The following SCAF4 variants were observed in gnomAD, a reference collection of about 807,000 sequenced individuals.
SCAF4 encodes the protein SR-related and CTD-associated factor 4.
A neutral mutation model predicts 129.8 loss-of-function variants in SCAF4; 25 were observed. The observed-to-expected ratio is 0.19, with a 90% confidence interval of 0.14 to 0.27. The LOEUF (loss-of-function observed/expected upper bound fraction) is 0.27, where lower values mean the gene tolerates loss of function less well. SCAF4 is among the 10% of genes least tolerant of loss of function. The probability of loss-of-function intolerance (pLI) is 1.00; values close to 1 mark genes in which losing one functional copy is unlikely to be tolerated. For missense variants in SCAF4, 1,246 were observed against 1,457.1 expected (o/e 0.86, Z 2.36); for synonymous variants, 551 against 497.7 (o/e 1.11, Z -1.43).
intron 1 of SCAF4, chr21:31,706,827 T>C (rs1601241102): frequency 4.2e-6 from 1 of 240,330 alleles, no homozygotes. Context: ...CCAATGAGAG[T>C]CCAGCCTCTG....
chr21:31,710,245 G>T (rs1020061662), intron 1 of SCAF4, among the ~76,000 whole-genome samples: 3 of 152,026 alleles, frequency 2.0e-5, no homozygotes, highest in Non-Finnish European at 4.4e-5. Context: ...GGAGTAAGAA[G>T]GCCACCAAGA....
intron 2 of SCAF4, 84 bp downstream of exon 2, chr21:31,706,190 A>G (rs2050658547): frequency 1.1e-6 from 1 of 915,772 alleles, no homozygotes; most frequent in Non-Finnish European, 1.7e-6. Flanking sequence ...GAACTAATTC[A>G]CAAGTTGACT....
intron 1 of SCAF4, among the ~76,000 whole-genome samples, chr21:31,725,125 G>A (rs1355598679): frequency 6.6e-6 from 1 of 152,114 alleles, no homozygotes; most frequent in Non-Finnish European, 1.5e-5. Flanking sequence ...CTTTTGCAAG[G>A]GAAATCTCCA....
rs977719874 is a variant in SCAF4 at position 31,731,790 on chromosome 21, G to C, written c.-98C>G. 59 of 1,371,188 alleles carry C rather than the reference G, an allele frequency of 4.3e-5. 1 individual carries two copies. The Middle Eastern group carries it at 9.7e-4, about 23-fold the overall frequency. The allele number at this position is 1,371,188 out of a possible 1,614,324, so 84.9% of individuals were successfully genotyped here. ...GGAAACCAGCCGGGCCTGGTGGCCG[G>C]GGGGAGGCGACGAGCGGCGGAGTCC... is the stretch of plus-strand genomic sequence containing the variant. On this transcript the variant is annotated 5_prime_UTR_variant, in exon 1 of 20. Coordinates refer to ENST00000286835, the MANE Select transcript of SCAF4 (RefSeq NM_020706.2).
intron 1 of SCAF4, among the ~76,000 whole-genome samples, chr21:31,712,436 T>A (rs758195966): frequency 1.3e-4 from 19 of 151,988 alleles, no homozygotes; most frequent in Admixed American, 6.6e-4. Context: ...CAGGATGGTC[T>A]TTAAATCCTG....
At chr21:31,682,064 T>C (rs1205051105) in intron 19 of SCAF4, among the ~76,000 whole-genome samples, 4 of 152,184 alleles carry the variant, frequency 2.6e-5, no homozygotes, top group Admixed American at 2.0e-4. Context: ...GGAACTTTAA[T>C]ATGTGTAAAT....
intron 14 of SCAF4, among the ~76,000 whole-genome samples, 193 bp downstream of exon 14, chr21:31,691,624 T>C (rs2050261617): frequency 6.6e-6 from 1 of 151,038 alleles, no homozygotes; most frequent in African/African-American, 2.4e-5. Flanking sequence ...GCACGTAACA[T>C]TTACAATTTT....
Position 31,671,806 on chromosome 21 carries a change from G to A in SCAF4, c.3037C>T (p.Arg1013Trp), listed in dbSNP as rs373258764. ...RSFGNRVEND[R>W]ERYGNRNDDR... The stretch of plus-strand genomic sequence containing the variant: ...TCATTACGGTTCCCATACCGTTCCC[G>A]GTCATTTTCCACCCTATTTCCAAAA... The change falls in exon 20 of 20, where the codon CGG (arginine) becomes TGG (tryptophan). Residue 1013 changes from arginine (R) to tryptophan (W), a missense_variant. By Grantham distance (101) the Arg-to-Trp change is moderately radical. Transcript: ENST00000286835. 9 of 1,613,772 alleles carry A rather than the reference G, an allele frequency of 5.6e-6. No homozygotes were observed. Among genetic ancestry groups the A allele is most frequent in the African/African-American group, 1.3e-5 (1 of 74,886 alleles).
At chr21:31,710,242 G>C (rs2050767924) in intron 1 of SCAF4, among the ~76,000 whole-genome samples, 1 of 152,092 alleles carries the variant, frequency 6.6e-6, no homozygotes, top group African/African-American at 2.4e-5. Context: ...CCTGGAGTAA[G>C]AAGGCCACCA....
chr21:31,720,468 G>C lies in SCAF4; in HGVS notation c.30+11195C>G, dbSNP rs114075865. Among the ~76,000 whole-genome samples the C allele has an allele frequency of 4.6e-5, 7 of 152,216 alleles. No individual in the cohort carries two copies. In the East Asian group the frequency reaches 1.4e-3, roughly 29 times the overall value. On this transcript the variant is annotated intron_variant, in intron 1 of 19. Transcript: ENST00000286835. ...TATCACTTGCTACCATGCTTCAGAC[G>C]TATAAAAGCTGTTCACTGAGTCTTC...
rs561418345 is a variant in SCAF4, at chr21:31,686,341, A to T, written c.2044-608T>A. On this transcript the variant is annotated intron_variant, in intron 16 of 19. Coordinates refer to ENST00000286835, the MANE Select transcript of SCAF4 (RefSeq NM_020706.2). ...CTGACATCATGTAATACATTTTAAA[A>T]TGTTCCATGGTCCTTTCAGCAACAC... Among the ~76,000 whole-genome samples the T allele has an allele frequency of 3.5e-3, 537 of 152,288 alleles. 4 individuals are homozygous for T. Among genetic ancestry groups the T allele is most frequent in the African/African-American group, 0.012 (515 of 41,574 alleles).
At chr21:31,686,171 C>T (rs1211739689) in intron 16 of SCAF4, among the ~76,000 whole-genome samples, 6 of 148,178 alleles carry the variant, frequency 4.0e-5, no homozygotes, top group Admixed American at 2.0e-4. Flanking sequence ...CCACTGCACT[C>T]CAGCCTGGGC....
chr21:31,701,914 T>G lies in SCAF4; in HGVS notation c.462A>C (p.Ser154=), dbSNP rs760456141. Residue 154 remains serine, a synonymous_variant, in exon 6 of 20, where the codon TCA becomes TCC. Transcript: ENST00000286835. ...AAGAAACTTTTACTGGAGGTGGAGG[T>G]GAGCCTAAAAAAGAAAAGGGCATTA... ...VAENVTNNEG[S]PPPPVKVSSE... 2 of 1,613,202 alleles carry G rather than the reference T, an allele frequency of 1.2e-6. No homozygotes were observed. The highest frequency in any genetic ancestry group is 1.7e-5 in the Admixed American group (1 of 59,858).
chr21:31,717,989 G>A (rs545740591), intron 1 of SCAF4, among the ~76,000 whole-genome samples: 4 of 151,018 alleles, frequency 2.6e-5, no homozygotes, highest in Non-Finnish European at 4.4e-5. Flanking sequence ...CATTGCCCAG[G>A]CTGGAGTGCA....
chr21:31,688,798 C>T (rs531039355), intron 15 of SCAF4, among the ~76,000 whole-genome samples: 2 of 152,238 alleles, frequency 1.3e-5, no homozygotes, highest in South Asian at 2.1e-4. Context: ...ATGGCAGGGA[C>T]GGATTCAACT....
rs755193859 is a variant in SCAF4 at position 31,694,864 on chromosome 21, T to C, written c.1185A>G (p.Gln395=). ...GTTCATTTTGTGCCTGAAAAGAAGC[T>C]TGGAAAGGCTGCTGCACTGGTGGAG... is the stretch of plus-strand genomic sequence containing the variant. ...PPTPPVQQPF[Q]ASFQAQNEPL... is the part of the protein sequence containing the mutation. Residue 395 remains glutamine, a synonymous_variant, in exon 10 of 20, where the codon CAA becomes CAG. Coordinates refer to ENST00000286835, the MANE Select transcript of SCAF4 (RefSeq NM_020706.2). 1 of 1,614,110 alleles carries C rather than the reference T, an allele frequency of 6.2e-7. No homozygotes were observed. Among genetic ancestry groups the C allele is most frequent in the East Asian group, 2.2e-5 (1 of 44,876 alleles).
intron 19 of SCAF4, 79 bp from the exon 20 acceptor site, chr21:31,672,433 A>T: frequency 1.8e-6 from 2 of 1,132,152 alleles, no homozygotes; most frequent in Non-Finnish European, 2.6e-6. Context: ...TGGCGCTTAA[A>T]GCAAAATAAA....
rs771062309 is a variant in SCAF4 at position 31,690,888 on chromosome 21, A to C, written c.1794T>G (p.Gly598=). Reference sequence around the variant, plus strand: ...CTTTGTCCCATGGAATATAAGTAACACCAAGTTCTACATCCCAATACTGCT... The same window carrying C: ...CTTTGTCCCATGGAATATAAGTAACCCCAAGTTCTACATCCCAATACTGCT... ...DYKQYWDVEL[G]VTYIPWDKVK... Residue 598 remains glycine, a synonymous_variant, in exon 15 of 20, where the codon GGT becomes GGG. Transcript: ENST00000286835. 4 of 1,613,686 alleles carry C rather than the reference A, an allele frequency of 2.5e-6. No homozygotes were observed. The highest frequency in any genetic ancestry group is 3.4e-6 in the Non-Finnish European group (4 of 1,179,624).
intron 7 of SCAF4, among the ~76,000 whole-genome samples, chr21:31,697,849 G>A (rs1304207257): frequency 2.0e-5 from 3 of 152,244 alleles, no homozygotes; most frequent in African/African-American, 7.2e-5. Context: ...TCTAGGCCAA[G>A]TGAGTAAAGT....
Sources: allele counts gnomAD v4.1 joint callset (sites outside exome capture counted in the v4.1 genomes callset), GRCh38; gene constraint gnomAD v4.1.1; transcripts MANE v1.5; gene names NCBI Gene and HGNC (gene_info 2026-07-23, HGNC 2026-07-21).